Variants in TMEM30A observed in about 807,000 individuals in gnomAD.
TMEM30A encodes cell division cycle 50 P4-ATPase accessory subunit A, also known as cell cycle control protein 50A.
A neutral mutation model predicts 38.2 loss-of-function variants in TMEM30A; 24 were observed. That is an observed-to-expected ratio of 0.63 (90% CI 0.46 to 0.88). The LOEUF is 0.88. TMEM30A is among the 40% of genes least tolerant of loss of function. TMEM30A has a pLI of 0.00. For synonymous variants in TMEM30A, 145 were observed against 161.6 expected (o/e 0.90, Z 0.78); for missense variants, 370 against 458.6 (o/e 0.81, Z 1.77).
chr6:75,259,244 G>T (rs1771921865), intron 5 of TMEM30A, 103 bp downstream of exon 5: 15 of 1,282,954 alleles, frequency 1.2e-5, no homozygotes, highest in Non-Finnish European at 1.6e-5. Context: ...AAGAAAAATT[G>T]TGTTTTTCAA....
chr6:75,278,139 T>G (rs1772292678), intron 1 of TMEM30A, among the ~76,000 whole-genome samples: 1 of 152,184 alleles, frequency 6.6e-6, no homozygotes, highest in South Asian at 2.1e-4. Flanking sequence ...TCAAGTTGGA[T>G]TCAATATTAT....
chr6:75,273,572 T>C (rs1772212003), intron 1 of TMEM30A, among the ~76,000 whole-genome samples: 1 of 152,052 alleles, frequency 6.6e-6, no homozygotes, highest in Admixed American at 6.5e-5. Flanking sequence ...CGAGTAGATG[T>C]TATCTACAGG....
intron 6 of TMEM30A, 47 bp downstream of exon 6, chr6:75,258,733 C>A: frequency 6.4e-7 from 1 of 1,565,514 alleles, no homozygotes; most frequent in Non-Finnish European, 8.8e-7. Context: ...TTGGACTCGA[C>A]TCCTTTCAAG....
intron 1 of TMEM30A, chr6:75,284,148 T>A (rs1430572145): frequency 1.9e-6 from 1 of 534,762 alleles, no homozygotes; most frequent in Non-Finnish European, 3.4e-6. Context: ...GCATTAAACA[T>A]TCATTCCGTC....
intron 1 of TMEM30A, among the ~76,000 whole-genome samples, chr6:75,281,593 A>G (rs1441109395): frequency 1.3e-5 from 2 of 152,138 alleles, no homozygotes; most frequent in African/African-American, 4.8e-5. Flanking sequence ...ACACTTTTCA[A>G]AAGTAGTAAT....
At chr6:75,275,442 T>C (rs546536208) in intron 1 of TMEM30A, among the ~76,000 whole-genome samples, 1 of 152,248 alleles carries the variant, frequency 6.6e-6, no homozygotes, top group Admixed American at 6.5e-5. Context: ...ACAAGTCAAA[T>C]ATTGAACTAT....
In TMEM30A at chr6:75,255,294, AG is replaced by A. The variant is rs1169377579; in HGVS notation, c.*807del. ...GGTTTACAGTTGAGGCAGAAGATGA[AG>A]GTCTGCCAAGCAGTTTTCCCATATC... is the stretch of plus-strand genomic sequence containing the variant. On this transcript the variant is annotated 3_prime_UTR_variant, in exon 7 of 7. Coordinates refer to ENST00000230461, the MANE Select transcript of TMEM30A (RefSeq NM_018247.4). 1 of 152,570 alleles carries A rather than the reference AG, an allele frequency of 6.6e-6. No homozygotes were observed. Among genetic ancestry groups the A allele is most frequent in the African/African-American group, 2.4e-5 (1 of 41,448 alleles). The allele number at this position is 152,570 out of a possible 1,614,324, so 9.5% of individuals were successfully genotyped here.
intron 1 of TMEM30A, among the ~76,000 whole-genome samples, chr6:75,268,033 T>C (rs1037686433): frequency 6.6e-6 from 1 of 152,194 alleles, no homozygotes; most frequent in African/African-American, 2.4e-5. Context: ...AAACTGCATA[T>C]TTACATAGCT....
chr6:75,255,517 G>GA lies in TMEM30A; in HGVS notation c.*584_*585insT, dbSNP rs1562382719. 2.6e-5 allele frequency: 4 copies of GA among 152,508 alleles called. No homozygotes were observed. Among genetic ancestry groups the GA allele is most frequent in the Non-Finnish European group, 5.9e-5 (4 of 68,018 alleles). 9.4% of individuals were successfully genotyped at this position (152,508 alleles called of 1,614,324 possible). ...TTCTTATGCCAGACAAGGTAAGCGT[G>GA]TCCTTTGAAATCAAAGCTAAGCTTG... is the stretch of plus-strand genomic sequence containing the variant. On this transcript the variant is annotated 3_prime_UTR_variant, in exon 7 of 7. Transcript: ENST00000230461.
chr6:75,281,664 T>C (rs1007539270), intron 1 of TMEM30A, among the ~76,000 whole-genome samples: 1 of 152,160 alleles, frequency 6.6e-6, no homozygotes, highest in Non-Finnish European at 1.5e-5. Context: ...TTGAAAAAGT[T>C]TGGATTTTTG....
chr6:75,268,119 T>G (rs1772099155), intron 1 of TMEM30A, among the ~76,000 whole-genome samples: 1 of 152,238 alleles, frequency 6.6e-6, no homozygotes, highest in South Asian at 2.1e-4. Context: ...CTTTCAATCT[T>G]AAATACTTTT....
chr6:75,266,928 T>G (rs1360213424), intron 2 of TMEM30A, among the ~76,000 whole-genome samples: 2 of 152,182 alleles, frequency 1.3e-5, no homozygotes, highest in Non-Finnish European at 2.9e-5. Flanking sequence ...CAACCAACTA[T>G]TAGGGACTAT....
intron 1 of TMEM30A, 105 bp downstream of exon 1, chr6:75,284,297 G>A: frequency 9.0e-7 from 1 of 1,108,664 alleles, no homozygotes; most frequent in Non-Finnish European, 1.4e-6. Flanking sequence ...ACGGCGCGAG[G>A]TCAGCCAGTC....
chr6:75,261,474 G>A (rs1771963256), intron 3 of TMEM30A, among the ~76,000 whole-genome samples: 1 of 152,182 alleles, frequency 6.6e-6, no homozygotes, highest in Non-Finnish European at 1.5e-5. Flanking sequence ...GTGCATCCAG[G>A]TACAAGAAAA....
chr6:75,260,973 C>T, intron 3 of TMEM30A, 62 bp from the exon 4 acceptor site: 2 of 1,150,750 alleles, frequency 1.7e-6, no homozygotes, highest in Non-Finnish European at 2.5e-6. Context: ...GAACTATGAG[C>T]TATCCCTAAA....
chr6:75,276,868 C>G (rs1371678433), intron 1 of TMEM30A, among the ~76,000 whole-genome samples: 1 of 152,144 alleles, frequency 6.6e-6, no homozygotes, highest in African/African-American at 2.4e-5. Flanking sequence ...ATATTGGCCT[C>G]TTTGTTGTTC....
chr6:75,259,541 GC>G (rs1771929878), intron 4 of TMEM30A, 51 bp from the exon 5 acceptor site: 1 of 1,497,242 alleles, frequency 6.7e-7, no homozygotes, highest in South Asian at 1.3e-5. Flanking sequence ...AAAACTCATA[GC>G]ATCTGCTTAA....
chr6:75,260,471 A>G (rs1771946774), intron 4 of TMEM30A, among the ~76,000 whole-genome samples: 1 of 152,212 alleles, frequency 6.6e-6, no homozygotes, highest in African/African-American at 2.4e-5. Context: ...ACTTGTATTT[A>G]TAGCTCACAT....
At chr6:75,268,833 A>C (rs891538910) in intron 1 of TMEM30A, among the ~76,000 whole-genome samples, 10 of 152,110 alleles carry the variant, frequency 6.6e-5, no homozygotes, top group African/African-American at 2.4e-4. Flanking sequence ...TGGTGTCTGA[A>C]GTGGGGGCAG....
Sources: allele counts gnomAD v4.1 joint callset (sites outside exome capture counted in the v4.1 genomes callset), GRCh38; gene constraint gnomAD v4.1.1; transcripts MANE v1.5; gene names NCBI Gene and HGNC (gene_info 2026-07-23, HGNC 2026-07-21).